The following ANK3 variants were observed in gnomAD, a reference collection of about 807,000 sequenced individuals.
ANK3 encodes the protein ankyrin 3.
Under a neutral mutation model 370.9 loss-of-function variants are expected in ANK3, and 57 were observed. The ratio of observed to expected loss-of-function variants is 0.15; its 90% CI spans 0.12 to 0.19. The LOEUF is 0.19. Among genes scored for constraint, ANK3 ranks in the 10% least tolerant of loss-of-function variants. The pLI, the probability that ANK3 is intolerant of heterozygous loss-of-function variation, is 1.00. For missense variants in ANK3, 4,439 were observed against 5,302.1 expected (o/e 0.84, Z 5.06); for synonymous variants, 1,929 against 1,946.3 (o/e 0.99, Z 0.23).
At chr10:60,315,518 A>G (rs977727607) in intron 1 of ANK3, among the ~76,000 whole-genome samples, 1 of 152,200 alleles carries the variant, frequency 6.6e-6, no homozygotes, top group African/African-American at 2.4e-5. Flanking sequence ...AAAACGGTCC[A>G]GAATCACTGA....
chr10:60,539,339 T>A (rs558952018), intron 2 of ANK3, among the ~76,000 whole-genome samples: 1 of 151,950 alleles, frequency 6.6e-6, no homozygotes, highest in Admixed American at 6.6e-5. Context: ...TATGAAGAAA[T>A]AGCACTTTTG....
chr10:60,130,661 AGT>A (rs1269013855), intron 25 of ANK3, among the ~76,000 whole-genome samples: 3 of 152,230 alleles, frequency 2.0e-5, no homozygotes, highest in Admixed American at 6.5e-5. Flanking sequence ...TTAATCCTAA[AGT>A]GTTTAAATGC....
chr10:60,124,095 GA>G (rs1288328699), intron 25 of ANK3, among the ~76,000 whole-genome samples: 1 of 152,198 alleles, frequency 6.6e-6, no homozygotes, highest in East Asian at 1.9e-4. Context: ...AAAGTGGCTT[GA>G]AAACTCTAAA....
intron 1 of ANK3, among the ~76,000 whole-genome samples, chr10:60,708,530 G>A (rs187008305): frequency 7.9e-5 from 12 of 152,258 alleles, no homozygotes; most frequent in Admixed American, 3.3e-4. Flanking sequence ...CCCCTCTCAC[G>A]AGTCCAGCAG....
intron 2 of ANK3, among the ~76,000 whole-genome samples, chr10:60,593,372 C>G (rs1439553222): frequency 6.6e-6 from 1 of 152,082 alleles, no homozygotes; most frequent in Non-Finnish European, 1.5e-5. Context: ...AAAATGTTAT[C>G]CATGGATTTC....
chr10:60,666,552 T>C (rs569950916), intron 1 of ANK3, among the ~76,000 whole-genome samples: 7 of 152,304 alleles, frequency 4.6e-5, no homozygotes, highest in Non-Finnish European at 8.8e-5. Context: ...CTGTACACCT[T>C]AAAATAGTTA....
intron 2 of ANK3, among the ~76,000 whole-genome samples, chr10:60,607,374 C>A (rs923762030): frequency 1.3e-5 from 2 of 152,070 alleles, no homozygotes; most frequent in Non-Finnish European, 2.9e-5. Context: ...TTCAGGCTCA[C>A]CCACTTTACC....
At chr10:60,618,165 T>C (rs1181352409) in intron 1 of ANK3, among the ~76,000 whole-genome samples, 1 of 152,152 alleles carries the variant, frequency 6.6e-6, no homozygotes, top group Non-Finnish European at 1.5e-5. Context: ...CACACCCACG[T>C]TATCTGGTTC....
chr10:60,077,417 A>G (rs1365231181), intron 36 of ANK3, among the ~76,000 whole-genome samples: 2 of 152,222 alleles, frequency 1.3e-5, no homozygotes, highest in African/African-American at 4.8e-5. Context: ...AAACAAGCCA[A>G]TGAAGTAATA....
chr10:60,611,342 A>G (rs1445698785), intron 2 of ANK3, among the ~76,000 whole-genome samples: 1 of 152,174 alleles, frequency 6.6e-6, no homozygotes, highest in Non-Finnish European at 1.5e-5. Context: ...TTGTGAGGAT[A>G]AATAAATGCC....
At chr10:60,694,772 A>C (rs1328965426) in intron 1 of ANK3, among the ~76,000 whole-genome samples, 6 of 151,886 alleles carry the variant, frequency 4.0e-5, no homozygotes, top group Non-Finnish European at 8.8e-5. Context: ...AGGAACAACC[A>C]GTACCAGCCA....
intron 1 of ANK3, among the ~76,000 whole-genome samples, chr10:60,698,395 T>C (rs1234938140): frequency 6.6e-6 from 1 of 151,748 alleles, no homozygotes; most frequent in African/African-American, 2.4e-5. Context: ...AGCCATCCCA[T>C]TACTGGGTAT....
chr10:60,667,184 CATATTATATT>C (rs71467102), intron 1 of ANK3, among the ~76,000 whole-genome samples: 88,908 of 143,042 alleles, frequency 0.62, 27,957 homozygotes, highest in South Asian at 0.79. Context: ...TATATTATAT[CATATTATATT>C]ATATTATATT....
At chr10:60,452,700 A>G (rs2133042459) in intron 2 of ANK3, among the ~76,000 whole-genome samples, 1 of 152,368 alleles carries the variant, frequency 6.6e-6, no homozygotes, top group Admixed American at 6.5e-5. Flanking sequence ...CATTTTTAAA[A>G]TAATATTTCC....
intron 7 of ANK3, among the ~76,000 whole-genome samples, chr10:60,244,674 A>C (rs944953952): frequency 1.3e-5 from 2 of 152,188 alleles, no homozygotes; most frequent in Non-Finnish European, 2.9e-5. Flanking sequence ...TATATATAGA[A>C]ACGGAAAAAT....
At chr10:60,246,814 G>C (rs1262309355) in intron 7 of ANK3, among the ~76,000 whole-genome samples, 1 of 152,150 alleles carries the variant, frequency 6.6e-6, no homozygotes, top group East Asian at 1.9e-4. Flanking sequence ...GTGAGTTAGG[G>C]GGAAAGCAGA....
intron 7 of ANK3, among the ~76,000 whole-genome samples, chr10:60,256,988 T>C (rs2097749038): frequency 6.6e-6 from 1 of 152,238 alleles, no homozygotes. Context: ...ACATATTCAG[T>C]AATGGGATTG....
chr10:60,426,030 CA>C (rs1372634325), intron 2 of ANK3, among the ~76,000 whole-genome samples: 3 of 152,056 alleles, frequency 2.0e-5, no homozygotes, highest in African/African-American at 7.2e-5. Flanking sequence ...TGACTAAGAA[CA>C]AACCTTGGAG....
At chr10:60,199,755 AAC>A (rs1299106762) in intron 13 of ANK3, among the ~76,000 whole-genome samples, 1 of 151,964 alleles carries the variant, frequency 6.6e-6, no homozygotes, top group Admixed American at 6.6e-5. Flanking sequence ...CTTATAAGTC[AAC>A]CAGAAAAGCT....
Sources: allele counts gnomAD v4.1 joint callset (sites outside exome capture counted in the v4.1 genomes callset), GRCh38; gene constraint gnomAD v4.1.1; transcripts MANE v1.5; gene names NCBI Gene and HGNC (gene_info 2026-07-23, HGNC 2026-07-21).